MDFIC2: variants seen among roughly 807,000 people sequenced by gnomAD.
The protein encoded by MDFIC2 is MyoD family inhibitor domain containing 2, also known as myoD family inhibitor domain-containing protein 2.
intron 2 of MDFIC2, among the ~76,000 whole-genome samples, chr3:70,277,146 A>G (rs1702035163): frequency 6.6e-6 from 1 of 152,190 alleles, no homozygotes; most frequent in South Asian, 2.1e-4. Flanking sequence ...CGGCAGTTTT[A>G]TCAAACTTTC....
intron 2 of MDFIC2, among the ~76,000 whole-genome samples, chr3:70,207,296 A>C (rs1283306952): frequency 6.6e-6 from 1 of 152,122 alleles, no homozygotes; most frequent in East Asian, 1.9e-4. Context: ...CTATAAGCTC[A>C]TTCCTGCTTC....
chr3:70,274,098 CG>C (rs1701999881), intron 2 of MDFIC2, among the ~76,000 whole-genome samples: 1 of 104,190 alleles, frequency 9.6e-6, no homozygotes, highest in East Asian at 2.6e-4. Context: ...TGTGCGCGCG[CG>C]CATGTGTGTG....
At chr3:70,287,948 T>C (rs1434779496) in intron 2 of MDFIC2, among the ~76,000 whole-genome samples, 1 of 152,168 alleles carries the variant, frequency 6.6e-6, no homozygotes, top group African/African-American at 2.4e-5. Context: ...TTCTTCTCTC[T>C]TTTTTTCTTT....
intron 2 of MDFIC2, among the ~76,000 whole-genome samples, chr3:70,281,256 G>C (rs1446396706): frequency 6.6e-6 from 1 of 152,078 alleles, no homozygotes; most frequent in Non-Finnish European, 1.5e-5. Context: ...ATTTCTTCAA[G>C]GTAACCTCCC....
chr3:70,208,751 C>G (rs1371670034), intron 2 of MDFIC2, among the ~76,000 whole-genome samples: 1 of 152,052 alleles, frequency 6.6e-6, no homozygotes, highest in Non-Finnish European at 1.5e-5. Flanking sequence ...CTAACTGGCA[C>G]CAGAACTATC....
rs147334099 is a variant in MDFIC2 at position 70,219,650 on chromosome 3, G to A, written c.89-12860C>T. 9.3e-3 allele frequency among the ~76,000 whole-genome samples: 1,420 copies of A among 152,282 alleles called. 20 individuals carry two copies. The highest frequency in any genetic ancestry group is 0.032 in the African/African-American group (1,341 of 41,570). On this transcript the variant is annotated intron_variant, in intron 2 of 3. Transcript: ENST00000567252. The stretch of plus-strand genomic sequence containing the variant: ...ACATGTGTGAACCAAGAGAGATACT[G>A]AAGAATTCAAAATTGAAATGACAGA...
Position 70,279,441 on chromosome 3 carries a change from T to C in MDFIC2, c.88+32445A>G, listed in dbSNP as rs75146169. Among the ~76,000 whole-genome samples, 338 of 152,236 alleles carry C rather than the reference T, an allele frequency of 2.2e-3. 1 individual carries two copies. The highest frequency in any genetic ancestry group is 4.0e-3 in the Non-Finnish European group (272 of 67,994). On this transcript the variant is annotated intron_variant, in intron 2 of 3. Transcript: ENST00000567252. The stretch of plus-strand genomic sequence containing the variant: ...CTCTGGACTTTATCTCCTTCACATC[T>C]CTGAGTACATTGTCATTTTCTCTTC...
intron 2 of MDFIC2, among the ~76,000 whole-genome samples, chr3:70,292,197 A>T (rs956578351): frequency 2.0e-5 from 3 of 152,166 alleles, no homozygotes; most frequent in African/African-American, 7.2e-5. Context: ...CCCTTTATGA[A>T]TTGGAGATAA....
At chr3:70,223,934 C>A (rs1446763801) in intron 2 of MDFIC2, among the ~76,000 whole-genome samples, 1 of 152,020 alleles carries the variant, frequency 6.6e-6, no homozygotes, top group Non-Finnish European at 1.5e-5. Flanking sequence ...CTCCCCCCAC[C>A]CTTTTGGTTT....
chr3:70,231,926 A>G (rs537683904), intron 2 of MDFIC2, among the ~76,000 whole-genome samples: 6 of 152,120 alleles, frequency 3.9e-5, no homozygotes, highest in Admixed American at 2.0e-4. Context: ...CTGATGCTAC[A>G]CCAAATAACA....
At chr3:70,234,288 T>C (rs1701588157) in intron 2 of MDFIC2, among the ~76,000 whole-genome samples, 1 of 152,214 alleles carries the variant, frequency 6.6e-6, no homozygotes, top group African/African-American at 2.4e-5. Context: ...CTCATGTTTA[T>C]TGAACATCTA....
At chr3:70,242,413 A>C (rs1367853155) in intron 2 of MDFIC2, among the ~76,000 whole-genome samples, 3 of 152,156 alleles carry the variant, frequency 2.0e-5, no homozygotes, top group Non-Finnish European at 4.4e-5. Context: ...GAATTAGATA[A>C]TTATAATTGA....
chr3:70,246,811 A>G (rs1701711719), intron 2 of MDFIC2, among the ~76,000 whole-genome samples: 1 of 152,094 alleles, frequency 6.6e-6, no homozygotes, highest in South Asian at 2.1e-4. Context: ...AAAAAACCCA[A>G]TAGACCTTTA....
At chr3:70,305,827 C>T (rs1702394436) in intron 2 of MDFIC2, among the ~76,000 whole-genome samples, 1 of 152,162 alleles carries the variant, frequency 6.6e-6, no homozygotes, top group African/African-American at 2.4e-5. Context: ...TATTTGAACA[C>T]AAACATGAAA....
intron 2 of MDFIC2, among the ~76,000 whole-genome samples, chr3:70,303,337 TC>T (rs1364168638): frequency 6.6e-6 from 1 of 152,046 alleles, no homozygotes; most frequent in African/African-American, 2.4e-5. Context: ...AACCCAGGAG[TC>T]AGACTCATGG....
At chr3:70,283,728 C>A (rs1702112047) in intron 2 of MDFIC2, 1 of 148,256 alleles carries the variant, frequency 6.7e-6, no homozygotes, top group Admixed American at 6.7e-5. Context: ...ATCTTGATTT[C>A]ATACAGAGTA....
At chr3:70,241,171 AT>A (rs1385845218) in intron 2 of MDFIC2, among the ~76,000 whole-genome samples, 1 of 152,150 alleles carries the variant, frequency 6.6e-6, no homozygotes, top group Non-Finnish European at 1.5e-5. Flanking sequence ...GAGTTGAGAT[AT>A]TTTGGAAGAA....
chr3:70,255,751 C>G (rs1701809710), intron 2 of MDFIC2, among the ~76,000 whole-genome samples: 2 of 152,130 alleles, frequency 1.3e-5, no homozygotes, highest in African/African-American at 2.4e-5. Flanking sequence ...TCCCCCGTAC[C>G]CAGCCAGGGG....
Position 70,238,113 on chromosome 3 carries a change from G to A in MDFIC2, c.89-31323C>T, listed in dbSNP as rs147808551. Among the ~76,000 whole-genome samples, 966 of 147,796 alleles carry A rather than the reference G, an allele frequency of 6.5e-3. 6 individuals carry two copies. The highest frequency in any genetic ancestry group is 0.023 in the African/African-American group (920 of 40,334). On this transcript the variant is annotated intron_variant, in intron 2 of 3. Transcript: ENST00000567252. Reference sequence around the variant, plus strand: ...CTTGCCCTGTCCTGCTCCTCACACAGACATATGATAGCCAGAGTCCTCTAT... The same window carrying A: ...CTTGCCCTGTCCTGCTCCTCACACAAACATATGATAGCCAGAGTCCTCTAT...
Sources: gnomAD v4.1 joint callset for allele counts (sites outside exome capture counted in the v4.1 genomes callset) on GRCh38, gnomAD v4.1.1 for gene constraint, MANE v1.5 for transcripts, NCBI Gene and HGNC (gene_info 2026-07-23, HGNC 2026-07-21) for gene names.